CPLANE1: variants seen among roughly 807,000 people sequenced by gnomAD.
The protein encoded by CPLANE1 is ciliogenesis and planar polarity effector 1.
CPLANE1 carries 263 observed loss-of-function variants against 362.5 expected under a neutral mutation model. The ratio of observed to expected loss-of-function variants is 0.73; its 90% CI spans 0.66 to 0.80. The LOEUF is 0.80. CPLANE1 is among the 30% of genes least tolerant of loss of function. The pLI, the probability that CPLANE1 is intolerant of heterozygous loss-of-function variation, is 0.00. For synonymous variants in CPLANE1, 1,212 were observed against 1,302.6 expected, an observed-to-expected ratio of 0.93 and a Z score of 1.50; for missense variants, 3,461 against 3,793.4, an observed-to-expected ratio of 0.91 and a Z score of 2.30.
Position 37,186,335 on chromosome 5 carries a change from T to C in CPLANE1, c.4140A>G (p.Arg1380=), listed in dbSNP as rs370594064. ...TCTGGTGAAGAGAGTGATATTTGTCTCTTAAAGGAACCCTCACGTCCTCAG... is the reference window on the plus strand; with the variant it reads ...TCTGGTGAAGAGAGTGATATTTGTCCCTTAAAGGAACCCTCACGTCCTCAG... The part of the protein sequence containing the change: ...PYPEDVRVPL[R]DKYHSLHQRL... Residue 1380 remains arginine (R), a synonymous_variant, in exon 24 of 53, where the codon AGA becomes AGG. Coordinates refer to ENST00000651892, the MANE Select transcript of CPLANE1 (RefSeq NM_001384732.1). The C allele has an allele frequency of 2.5e-6, 4 of 1,606,962 alleles. No individual in the cohort carries two copies. The highest frequency in any genetic ancestry group is 2.7e-5 in the African/African-American group (2 of 74,834).
chr5:37,179,436 A>G lies in CPLANE1; in HGVS notation c.5745T>C (p.Ile1915=), dbSNP rs1269415617. ...TTCTGAAACCTCCAACAGATTCTTCAATGTCTTCTAGCGATAAGTGAAGAT... is the reference window on the plus strand; with the variant it reads ...TTCTGAAACCTCCAACAGATTCTTCGATGTCTTCTAGCGATAAGTGAAGAT... ...DMHISDYEED[I]EESVGGFRSP... The change falls in exon 29 of 53, where the codon ATT becomes ATC. Residue 1915 remains isoleucine (I), a synonymous_variant. Coordinates refer to ENST00000651892, the MANE Select transcript of CPLANE1 (RefSeq NM_001384732.1). The G allele has an allele frequency of 3.1e-6, 5 of 1,611,478 alleles. No individual in the cohort carries two copies.
chr5:37,165,580 T>C lies in CPLANE1; in HGVS notation c.7492A>G (p.Ile2498Val), dbSNP rs940680431. ...ATTTCTGAATCATCATTATTAATTA[T>C]GGAATTCTCTGGTCGAAAAGTCACA... Reference protein sequence around the residue: ...PNVTFRPENSIINNDDSEIIK... With the variant: ...PNVTFRPENSVINNDDSEIIK... Residue 2498 changes from isoleucine to valine, a missense_variant, in exon 36 of 53, where the codon ATA becomes GTA. Coordinates refer to ENST00000651892, the MANE Select transcript of CPLANE1 (RefSeq NM_001384732.1). 2 of 1,609,078 alleles carry C rather than the reference T, an allele frequency of 1.2e-6. No individual in the cohort carries two copies. Among genetic ancestry groups the C allele is most frequent in the African/African-American group, 1.3e-5 (1 of 74,730 alleles).
the CPLANE1 span, among the ~76,000 whole-genome samples, chr5:37,087,701 C>G: frequency 6.6e-6 from 1 of 152,232 alleles, no homozygotes. Context: ...CGTGATCCAC[C>G]CGCCTCAGCC....
intron 16 of CPLANE1, among the ~76,000 whole-genome samples, 152 bp downstream of exon 16, chr5:37,213,407 T>C (rs1309534883): frequency 6.6e-6 from 1 of 152,256 alleles, no homozygotes; most frequent in East Asian, 1.9e-4. Context: ...TTTTCTCAGA[T>C]TCTATTCATT....
chr5:37,089,145 A>C, the CPLANE1 span, among the ~76,000 whole-genome samples: 1 of 152,166 alleles, frequency 6.6e-6, no homozygotes, highest in African/African-American at 2.4e-5. Flanking sequence ...GCACAGGGGC[A>C]GACATTTCAA....
intron 15 of CPLANE1, among the ~76,000 whole-genome samples, chr5:37,218,317 C>T (rs796146399): frequency 4.6e-5 from 7 of 152,300 alleles, no homozygotes; most frequent in African/African-American, 1.7e-4. Context: ...CAATTAAAAA[C>T]CCTGAGCACT....
At chr5:37,167,377 T>C (rs1280270037) in intron 34 of CPLANE1, among the ~76,000 whole-genome samples, 164 bp from the exon 35 acceptor site, 2 of 152,206 alleles carry the variant, frequency 1.3e-5, no homozygotes, top group Non-Finnish European at 1.5e-5. Context: ...TGAGTATACA[T>C]ATCTTAGAGA....
At chr5:37,140,328 C>G in intron 44 of CPLANE1, 3 of 976,806 alleles carry the variant, frequency 3.1e-6, no homozygotes, top group Non-Finnish European at 3.6e-6. Flanking sequence ...ATATGAAATA[C>G]CTGTTTTCTT....
At chr5:37,172,543 C>T (rs1481849248) in intron 32 of CPLANE1, among the ~76,000 whole-genome samples, 1 of 152,138 alleles carries the variant, frequency 6.6e-6, no homozygotes, top group African/African-American at 2.4e-5. Context: ...GTCTCTAAAA[C>T]ATTAAGATGG....
chr5:37,128,855 CCAAAAAAAAA>C (rs1222287388), intron 46 of CPLANE1, among the ~76,000 whole-genome samples: 5 of 149,440 alleles, frequency 3.3e-5, no homozygotes, highest in African/African-American at 7.5e-5. Context: ...TCAAAAAAAA[CCAAAAAAAAA>C]CAAAAAAAAA....
At chr5:37,198,558 G>A (rs759061908) in intron 20 of CPLANE1, 144 bp downstream of exon 20, 65 of 751,946 alleles carry the variant, frequency 8.6e-5, no homozygotes, top group Non-Finnish European at 1.1e-4. Flanking sequence ...GAAGAATCTG[G>A]TCTGTTTGTT....
chr5:37,146,195 T>TC (rs1771519929), intron 43 of CPLANE1, among the ~76,000 whole-genome samples: 1 of 152,028 alleles, frequency 6.6e-6, no homozygotes, highest in Admixed American at 6.5e-5. Context: ...TTTTTTTTTT[T>TC]CGAGACGGAG....
At chr5:37,172,166 A>T (rs1315613946) in intron 32 of CPLANE1, among the ~76,000 whole-genome samples, 1 of 152,192 alleles carries the variant, frequency 6.6e-6, no homozygotes, top group Non-Finnish European at 1.5e-5. Context: ...GATTGATATC[A>T]TATATTATAC....
chr5:37,206,606 C>G (rs888638906), intron 16 of CPLANE1, among the ~76,000 whole-genome samples, 181 bp from the exon 17 acceptor site: 2 of 151,830 alleles, frequency 1.3e-5, no homozygotes, highest in Non-Finnish European at 2.9e-5. Flanking sequence ...GAAGAATGTG[C>G]CTCATTCGTG....
At chr5:37,178,674 G>A (rs1449414479) in intron 29 of CPLANE1, among the ~76,000 whole-genome samples, 1 of 151,124 alleles carries the variant, frequency 6.6e-6, no homozygotes, top group African/African-American at 2.4e-5. Flanking sequence ...TGTTCCCCCT[G>A]GAAATTCAGT....
chr5:37,188,033 C>A (rs1332104991), intron 21 of CPLANE1, among the ~76,000 whole-genome samples, 191 bp from the exon 22 acceptor site: 2 of 151,994 alleles, frequency 1.3e-5, no homozygotes, highest in Non-Finnish European at 2.9e-5. Context: ...ACTTATAAGT[C>A]ACTAACAGAT....
chr5:37,210,510 C>A (rs1792288446), intron 16 of CPLANE1: 1 of 1,349,874 alleles, frequency 7.4e-7, no homozygotes, highest in Non-Finnish European at 1.1e-6. Context: ...TGTTCATTTG[C>A]AAGAGGAGCT....
intron 16 of CPLANE1, among the ~76,000 whole-genome samples, chr5:37,208,257 T>C (rs1791401483): frequency 6.6e-6 from 1 of 152,246 alleles, no homozygotes; most frequent in African/African-American, 2.4e-5. Flanking sequence ...CCTCCTCTAG[T>C]TTACAGCCAC....
intron 19 of CPLANE1, among the ~76,000 whole-genome samples, chr5:37,199,165 T>G (rs1190716634): frequency 4.0e-5 from 6 of 151,322 alleles, no homozygotes; most frequent in Non-Finnish European, 4.4e-5. Flanking sequence ...AGGATGTTCC[T>G]GGAGATTTAT....
Sources: allele counts gnomAD v4.1 joint callset (sites outside exome capture counted in the v4.1 genomes callset), GRCh38; gene constraint gnomAD v4.1.1; transcripts MANE v1.5; gene names NCBI Gene and HGNC (gene_info 2026-07-23, HGNC 2026-07-21).